COQ8B: variants seen among roughly 807,000 people sequenced by gnomAD.
COQ8B encodes the protein coenzyme Q8B.
A neutral mutation model predicts 62.0 loss-of-function variants in COQ8B; 44 were observed. That is an observed-to-expected ratio of 0.71 (90% CI 0.56 to 0.91). The LOEUF (loss-of-function observed/expected upper bound fraction) is 0.91. Among genes scored for constraint, COQ8B ranks in the 40% least tolerant of loss-of-function variants. COQ8B has a pLI of 0.00. For synonymous variants in COQ8B, 252 were observed against 289.9 expected, an observed-to-expected ratio of 0.87 and a Z score of 1.33; for missense variants, 649 against 731.6, an observed-to-expected ratio of 0.89 and a Z score of 1.30.
chr19:40,708,105 G>A (rs1050731231), intron 5 of COQ8B: 1 of 152,088 alleles, frequency 6.6e-6, no homozygotes, highest in Non-Finnish European at 1.5e-5. Context: ...CACAGAGGCC[G>A]TGCTAATTTT....
chr19:40,696,158 C>G, intron 12 of COQ8B, 104 bp from the exon 13 acceptor site: 1 of 1,290,058 alleles, frequency 7.8e-7, no homozygotes, highest in South Asian at 1.2e-5. Flanking sequence ...CCTGCCTGCT[C>G]CTGCCAGAGT....
chr19:40,699,669 A>C (rs1323498410), intron 12 of COQ8B, among the ~76,000 whole-genome samples: 1 of 152,244 alleles, frequency 6.6e-6, no homozygotes, highest in African/African-American at 2.4e-5. Flanking sequence ...ACCACTGCCT[A>C]GCCAGGGACT....
rs371867121 is a variant in COQ8B at position 40,714,405 on chromosome 19, A to G, written c.103-8T>C. 6.8e-6 allele frequency: 11 copies of G among 1,613,168 alleles called. No homozygotes were observed. In the African/African-American group the frequency reaches 1.5e-4, roughly 22 times the overall value. The stretch of plus-strand genomic sequence containing the variant: ...AGAACCTCCACATGGTCCCTGCAAG[A>G]GATATACTTTGATAAGGAGGGGAGG... On this transcript the variant is annotated splice_polypyrimidine_tract_variant and splice_region_variant and intron_variant, in intron 2 of 14. Coordinates refer to ENST00000324464, the MANE Select transcript of COQ8B (RefSeq NM_024876.4).
At position 40,692,176 on chromosome 19, in the gene COQ8B, G is replaced by A. The variant is rs760132974; in HGVS notation, c.1494C>T (p.Ala498=). 6.3e-7 allele frequency: 1 copy of A among 1,595,964 alleles called. No homozygotes were observed. The part of the protein sequence containing the change: ...LHRKLAGAFL[A]CAHLRAHIAC... Reference sequence around the variant, plus strand: ...CGATGTGGGCTCGGAGGTGGGCACAGGCCAGGAAAGCCCCTGCCAGCTTGC... The same window carrying A: ...CGATGTGGGCTCGGAGGTGGGCACAAGCCAGGAAAGCCCCTGCCAGCTTGC... Residue 498 remains alanine (A), a synonymous_variant, in exon 15 of 15, where the codon GCC becomes GCT. Transcript: ENST00000324464.
At chr19:40,714,032 GAGGTCACA>G in intron 4 of COQ8B, 27 bp downstream of exon 4, 1 of 1,609,184 alleles carries the variant, frequency 6.2e-7, no homozygotes, top group Non-Finnish European at 8.5e-7. Context: ...CTTTCTAATT[GAGGTCACA>G]CCAAGATCCC....
chr19:40,714,779 G>T lies in COQ8B; in HGVS notation c.-3-144C>A, dbSNP rs574329506. 1.5e-4 allele frequency: 201 copies of T among 1,312,970 alleles called. 1 individual carries two copies. In the South Asian group the frequency reaches 2.5e-3, roughly 16 times the overall value. The allele number at this position is 1,312,970 out of a possible 1,614,324, so 81.3% of individuals were successfully genotyped here. On this transcript the variant is annotated intron_variant, in intron 1 of 14. Transcript: ENST00000324464. The stretch of plus-strand genomic sequence containing the variant: ...TAATAGATTCCCACAGTTTCTCCTG[G>T]TTCTCCCCTGGTTGCTAGGAACCCT...
rs2144699840 is a variant in COQ8B at position 40,703,851 on chromosome 19, ACT to A, written c.579_580del (p.Arg193SerfsTer3). ...GTCCCTGCCGAGCTCCTCTTCAAGA[ACT>A]CTCTGCGGGGAGTGGTCACAGCCAT... On this transcript the variant is annotated frameshift_variant and splice_region_variant, in exon 8 of 15. Coordinates refer to ENST00000324464, the MANE Select transcript of COQ8B (RefSeq NM_024876.4). LOFTEE classifies it high-confidence loss of function. 2.5e-6 allele frequency: 4 copies of A among 1,608,560 alleles called. No homozygotes were observed. Among genetic ancestry groups the A allele is most frequent in the Non-Finnish European group, 3.4e-6 (4 of 1,176,154 alleles).
At chr19:40,714,930 AC>A (rs2082173476) in intron 1 of COQ8B, 4 of 1,127,808 alleles carry the variant, frequency 3.5e-6, no homozygotes, top group East Asian at 5.4e-5. Flanking sequence ...CTTCTCTGAA[AC>A]CCCCCTCGTT....
chr19:40,704,651 C>T (rs2082086593), intron 7 of COQ8B: 1 of 155,808 alleles, frequency 6.4e-6, no homozygotes, highest in Admixed American at 6.2e-5. Context: ...TCCTGGATTC[C>T]ATGCCTTACC....
Position 40,700,444 on chromosome 19 carries a change from G to C in COQ8B, c.901C>G (p.Leu301Val), listed in dbSNP as rs774108563. The change falls in exon 11 of 15, where the codon CTG becomes GTG. Residue 301 changes from leucine (L) to valine (V), a missense_variant. Transcript: ENST00000324464. The stretch of plus-strand genomic sequence containing the variant: ...ACCCGGAAGAAGGGGTCATTTGCCA[G>C]CAGCTGCCTGGGGCAGAAGGAAAGG... ...AACAQNFRQL[L>V]ANDPFFRVPA... The C allele has an allele frequency of 1.9e-6, 3 of 1,613,088 alleles. No homozygotes were observed. In the South Asian group the frequency reaches 3.3e-5, roughly 18 times the overall value.
rs1158458103 is a variant in COQ8B, at chr19:40,714,776, C to G, written c.-3-141G>C. The G allele has an allele frequency of 3.0e-6, 4 of 1,316,766 alleles. No homozygotes were observed. The Admixed American group carries it at 1.4e-4, about 45-fold the overall frequency. The allele number at this position is 1,316,766 out of a possible 1,614,324, so 81.6% of individuals were successfully genotyped here. On this transcript the variant is annotated intron_variant, in intron 1 of 14. Coordinates refer to ENST00000324464, the MANE Select transcript of COQ8B (RefSeq NM_024876.4). Reference sequence around the variant, plus strand: ...TATTAATAGATTCCCACAGTTTCTCCTGGTTCTCCCCTGGTTGCTAGGAAC... The same window carrying G: ...TATTAATAGATTCCCACAGTTTCTCGTGGTTCTCCCCTGGTTGCTAGGAAC...
At chr19:40,715,076 C>G (rs1247012065) in intron 1 of COQ8B, 1 of 989,316 alleles carries the variant, frequency 1.0e-6, no homozygotes. Flanking sequence ...CCTCCGAGTC[C>G]GCAACCTGCT....
At chr19:40,698,851 C>A (rs1295605071) in intron 12 of COQ8B, among the ~76,000 whole-genome samples, 2 of 152,148 alleles carry the variant, frequency 1.3e-5, no homozygotes, top group Non-Finnish European at 2.9e-5. Context: ...CAGTTGGCAA[C>A]CCCTGATAAA....
rs1057519347 is a variant in COQ8B, at chr19:40,692,240, C to T, written c.1430G>A (p.Arg477Gln). The T allele has an allele frequency of 1.3e-5, 21 of 1,611,064 alleles. No homozygotes were observed. The highest frequency in any genetic ancestry group is 1.6e-5 in the Non-Finnish European group (19 of 1,178,622). Reference protein sequence around the residue: ...QDLIPVLLRHRLCPPPEETYA... With the variant: ...QDLIPVLLRHQLCPPPEETYA... ...GGTCTCCTCGGGTGGGGGACACAGC[C>T]GGTGCCGCAGCAGCACCGGGATGAG... is the stretch of plus-strand genomic sequence containing the variant. Residue 477 changes from arginine (R) to glutamine (Q), a missense_variant, in exon 15 of 15, where the codon CGG (arginine) becomes CAG (glutamine). By Grantham distance (43) the Arg-to-Gln change is conservative (BLOSUM62 1). Coordinates refer to ENST00000324464, the MANE Select transcript of COQ8B (RefSeq NM_024876.4).
intron 1 of COQ8B, chr19:40,715,132 C>T (rs1209218570): frequency 3.0e-6 from 3 of 986,388 alleles, no homozygotes; most frequent in Non-Finnish European, 2.4e-6. Flanking sequence ...CCGCCCCCTT[C>T]GGCCAGCCAA....
Position 40,700,069 on chromosome 19 carries a change from G to C in COQ8B, c.1141C>G (p.Gln381Glu), listed in dbSNP as rs2082049207. 3 of 1,613,746 alleles carry C rather than the reference G, an allele frequency of 1.9e-6. No individual in the cohort carries two copies. The highest frequency in any genetic ancestry group is 3.3e-5 in the Admixed American group (2 of 60,014). Residue 381 changes from glutamine to glutamate, a missense_variant and splice_region_variant, in exon 12 of 15, where the codon CAG becomes GAG. Physicochemically the swap from Gln to Glu is conservative, Grantham distance 29 (BLOSUM62 2). Coordinates refer to ENST00000324464, the MANE Select transcript of COQ8B (RefSeq NM_024876.4). ...GACACACATCACTAGGAACCAACCTGGTGGCTGGAGGCATCATACAGGAAG... is the reference window on the plus strand; with the variant it reads ...GACACACATCACTAGGAACCAACCTCGTGGCTGGAGGCATCATACAGGAAG... ...ANFLYDASSH[Q>E]VTLLDFGASR...
At chr19:40,705,553 A>G in intron 5 of COQ8B, 106 bp from the exon 6 acceptor site, 2 of 1,311,950 alleles carry the variant, frequency 1.5e-6, no homozygotes, top group Non-Finnish European at 2.0e-6. Context: ...CCCAGGCGGG[A>G]TGAACACAGG....
intron 10 of COQ8B, 64 bp from the exon 11 acceptor site, chr19:40,700,515 C>T: frequency 1.3e-6 from 2 of 1,564,332 alleles, no homozygotes; most frequent in Non-Finnish European, 1.7e-6. Flanking sequence ...AGCTTGAGAC[C>T]TCCTCCTTGT....
Position 40,714,348 on chromosome 19 carries a change from C to T in COQ8B, c.152G>A (p.Gly51Glu), listed in dbSNP as rs1442391421. The T allele has an allele frequency of 3.7e-6, 6 of 1,614,028 alleles. No individual in the cohort carries two copies. The highest frequency in any genetic ancestry group is 2.2e-5 in the South Asian group (2 of 91,066). ...WAQKFYQDGP[G>E]RGLGEEDIRR... ...AATGTCCTCCTCACCCAGGCCTCTC[C>T]CAGGCCCATCCTGGTAAAACTTTTG... The change falls in exon 3 of 15, where the codon GGG (glycine) becomes GAG (glutamate). Residue 51 changes from glycine to glutamate, a missense_variant. By Grantham distance (98) the Gly-to-Glu change is moderately conservative (BLOSUM62 -2). Transcript: ENST00000324464.
Sources: gnomAD v4.1 joint callset for allele counts (sites outside exome capture counted in the v4.1 genomes callset) on GRCh38, gnomAD v4.1.1 for gene constraint, MANE v1.5 for transcripts, NCBI Gene and HGNC (gene_info 2026-07-23, HGNC 2026-07-21) for gene names.